Variants in HOXC13 observed in about 807,000 individuals in gnomAD.
HOXC13 encodes the protein homeobox protein Hox-C13.
A neutral mutation model predicts 25.9 loss-of-function variants in HOXC13; 10 were observed. That is an observed-to-expected ratio of 0.39 (90% CI 0.24 to 0.65). The LOEUF (loss-of-function observed/expected upper bound fraction) is 0.65. Ranked by LOEUF, HOXC13 falls within the 30% of genes least tolerant of loss-of-function variation. The probability of loss-of-function intolerance (pLI) is 0.50; values close to 1 mark genes in which losing one functional copy is unlikely to be tolerated. For missense variants in HOXC13, 439 were observed against 478.3 expected, an observed-to-expected ratio of 0.92 and a Z score of 0.77; for synonymous variants, 233 against 217.1, an observed-to-expected ratio of 1.07 and a Z score of -0.64.
intron 1 of HOXC13, among the ~76,000 whole-genome samples, chr12:53,942,126 T>C (rs894147208): frequency 1.3e-5 from 2 of 151,210 alleles, no homozygotes; most frequent in African/African-American, 4.9e-5. Flanking sequence ...TCTGGTTTTT[T>C]TTTTTTTCTC....
chr12:53,943,881 G>A (rs1006253119), intron 1 of HOXC13, among the ~76,000 whole-genome samples: 7 of 152,188 alleles, frequency 4.6e-5, no homozygotes, highest in African/African-American at 1.7e-4. Context: ...AAAAATTGAG[G>A]GCTGAGCTAT....
chr12:53,944,941 C>T (rs1317345675), intron 1 of HOXC13, 59 bp from the exon 2 acceptor site: 8 of 1,605,102 alleles, frequency 5.0e-6, no homozygotes, highest in Non-Finnish European at 6.8e-6. Flanking sequence ...AGCCTCGGGT[C>T]CTCTATCTCA....
intron 1 of HOXC13, among the ~76,000 whole-genome samples, chr12:53,940,896 G>T (rs1357048346): frequency 6.6e-6 from 1 of 152,218 alleles, no homozygotes; most frequent in East Asian, 1.9e-4. Flanking sequence ...ACCTCCTAAG[G>T]GTGGGCCTGA....
In HOXC13 at chr12:53,945,839, G is replaced by T. The variant is rs1276110550; in HGVS notation, c.*583G>T. 4.3e-6 allele frequency: 1 copy of T among 235,184 alleles called. No individual in the cohort carries two copies. Among genetic ancestry groups the T allele is most frequent in the Non-Finnish European group, 8.4e-6 (1 of 119,078 alleles). 14.6% of individuals were successfully genotyped at this position (235,184 alleles called of 1,614,324 possible). A position where few individuals can be genotyped will look rare whatever the true frequency, so the allele number is the denominator to read the frequency against. On this transcript the variant is annotated 3_prime_UTR_variant, in exon 2 of 2. Coordinates refer to ENST00000243056, the MANE Select transcript of HOXC13 (RefSeq NM_017410.3). The surrounding 1 kb of genome is among the most constrained non-coding windows in gnomAD (Gnocchi z 4.4). ...TTAGGGACCTGGCAGCGTGATTGGAGTATGGATGTTTCCGTAAAAGCTGGA... is the reference window on the plus strand; with the variant it reads ...TTAGGGACCTGGCAGCGTGATTGGATTATGGATGTTTCCGTAAAAGCTGGA...
At position 53,939,384 on chromosome 12, in the gene HOXC13, C is replaced by T. The variant is rs779885905; in HGVS notation, c.478C>T (p.Leu160=). Residue 160 remains leucine (L), a synonymous_variant, in exon 1 of 2, where the codon CTG becomes TTG. Coordinates refer to ENST00000243056, the MANE Select transcript of HOXC13 (RefSeq NM_017410.3). The surrounding 1 kb of genome is among the most constrained non-coding windows in gnomAD (Gnocchi z 6.7). ...TAAATACCCGGAGCCGTCGGGCGCC[C>T]TGCCCGGTGACGACCTGTCCTCTAG... The part of the protein sequence containing the change: ...GDKYPEPSGA[L]PGDDLSSRAK... 23 of 1,606,132 alleles carry T rather than the reference C, an allele frequency of 1.4e-5. No homozygotes were observed. Among genetic ancestry groups the T allele is most frequent in the Non-Finnish European group, 2.0e-5 (23 of 1,178,014 alleles).
rs1565703177 is a variant in HOXC13 at position 53,939,066 on chromosome 12, G to T, written c.160G>T (p.Ala54Ser). Residue 54 changes from alanine to serine, a missense_variant, in exon 1 of 2, where the codon GCC becomes TCC. Ala to Ser is a moderately conservative substitution (Grantham distance 99). Coordinates refer to ENST00000243056, the MANE Select transcript of HOXC13 (RefSeq NM_017410.3). This position sits in a 1 kb window ranked among gnomAD's most constrained non-coding sequence, Gnocchi z 6.7. ...GGCSGASPGK[A>S]PSMDGLGSSC... is the part of the protein sequence containing the mutation. ...CTGCAGCGGAGCGAGCCCCGGCAAA[G>T]CCCCGAGCATGGATGGTCTGGGCAG... The T allele has an allele frequency of 1.4e-6, 2 of 1,435,034 alleles. No individual in the cohort carries two copies. The highest frequency in any genetic ancestry group is 1.8e-6 in the Non-Finnish European group (2 of 1,104,532). The allele number at this position is 1,435,034 out of a possible 1,614,324, so 88.9% of individuals were successfully genotyped here. A position where few individuals can be genotyped will look rare whatever the true frequency, so the allele number is the denominator to read the frequency against.
At chr12:53,944,531 T>C (rs1044757319) in intron 1 of HOXC13, among the ~76,000 whole-genome samples, 1 of 152,190 alleles carries the variant, frequency 6.6e-6, no homozygotes, top group South Asian at 2.1e-4. Flanking sequence ...AAGGAGGGAT[T>C]TTTCTGAATA....
Position 53,945,830 on chromosome 12 carries a change from G to A in HOXC13, c.*574G>A, listed in dbSNP as rs2241937. 0.053 allele frequency: 12,627 copies of A among 236,346 alleles called. 542 individuals are homozygous for A. Among genetic ancestry groups the A allele is most frequent in the South Asian group, 0.24 (1,448 of 5,998 alleles). The allele number at this position is 236,346 out of a possible 1,614,324, so 14.6% of individuals were successfully genotyped here. ...TGATAATTATTAGGGACCTGGCAGC[G>A]TGATTGGAGTATGGATGTTTCCGTA... is the stretch of plus-strand genomic sequence containing the variant. On this transcript the variant is annotated 3_prime_UTR_variant, in exon 2 of 2. Transcript: ENST00000243056. This position sits in a 1 kb window ranked among gnomAD's most constrained non-coding sequence, Gnocchi z 4.4.
rs1364635007 is a variant in HOXC13, at chr12:53,939,929, AGGCTCCAGCCTCCCGCCG to A, written c.736+293_736+310del. Among the ~76,000 whole-genome samples, 1 of 152,176 alleles carries A rather than the reference AGGCTCCAGCCTCCCGCCG, an allele frequency of 6.6e-6. No individual in the cohort carries two copies. The highest frequency in any genetic ancestry group is 1.9e-4 in the East Asian group (1 of 5,196). The stretch of plus-strand genomic sequence containing the variant: ...GTAGCTCGCCTCCGCCTCCCCTTGC[AGGCTCCAGCCTCCCGCCG>A]GGCTCTTGGCCCCTAAACCTGCTTC... On this transcript the variant is annotated intron_variant, in intron 1 of 1. Transcript: ENST00000243056. The surrounding 1 kb of genome is among the most constrained non-coding windows in gnomAD (Gnocchi z 6.7).
rs772386896 is a variant in HOXC13, at chr12:53,945,002, G to A, written c.739G>A (p.Val247Met). The A allele has an allele frequency of 9.3e-6, 15 of 1,613,520 alleles. No homozygotes were observed. Among genetic ancestry groups the A allele is most frequent in the Non-Finnish European group, 1.1e-5 (13 of 1,179,872 alleles). Reference protein sequence around the residue: ...AHLWKSPFPDVVPLQPEVSSY... With the variant: ...AHLWKSPFPDMVPLQPEVSSY... ...CCGCTTGCCTTATCTCCCCGCAGAC[G>A]TGGTTCCCCTGCAGCCCGAGGTGAG... Residue 247 changes from valine to methionine, a missense_variant and splice_region_variant, in exon 2 of 2, where the codon GTG becomes ATG. Val to Met is a conservative substitution (Grantham distance 21). Transcript: ENST00000243056. This position sits in a 1 kb window ranked among gnomAD's most constrained non-coding sequence, Gnocchi z 4.4.
At chr12:53,940,423 G>A (rs1938591849) in intron 1 of HOXC13, among the ~76,000 whole-genome samples, 1 of 152,222 alleles carries the variant, frequency 6.6e-6, no homozygotes, top group South Asian at 2.1e-4. Context: ...AAGGGCGTGG[G>A]GATGAGAAAT....
At position 53,939,732 on chromosome 12, in the gene HOXC13, C is replaced by T; in HGVS notation, c.736+90C>T. 1.6e-6 allele frequency: 2 copies of T among 1,248,696 alleles called. No homozygotes were observed. Among genetic ancestry groups the T allele is most frequent in the Middle Eastern group, 3.1e-4 (1 of 3,226 alleles). 77.4% of individuals were successfully genotyped at this position (1,248,696 alleles called of 1,614,324 possible). On this transcript the variant is annotated intron_variant, in intron 1 of 1. Transcript: ENST00000243056. The surrounding 1 kb of genome is among the most constrained non-coding windows in gnomAD (Gnocchi z 6.7). ...TCCGCGCCCCAACCACCCCCGCCGT[C>T]TGGCCCCGGCGCGCCCGCTCGGCTG...
chr12:53,943,057 G>A (rs1975470), intron 1 of HOXC13, among the ~76,000 whole-genome samples: 88,292 of 152,016 alleles, frequency 0.58, 28,407 homozygotes, highest in East Asian at 0.8. Flanking sequence ...GGGAAAAGGA[G>A]GTGTTTTAAA....
chr12:53,940,840 C>T (rs1286603302), intron 1 of HOXC13, among the ~76,000 whole-genome samples: 1 of 152,126 alleles, frequency 6.6e-6, no homozygotes, highest in African/African-American at 2.4e-5. Context: ...ACCAGCTCCA[C>T]GTGCCAAGCT....
At chr12:53,942,951 G>A (rs1334653372) in intron 1 of HOXC13, among the ~76,000 whole-genome samples, 1 of 152,186 alleles carries the variant, frequency 6.6e-6, no homozygotes, top group African/African-American at 2.4e-5. Flanking sequence ...ATAGGTAATT[G>A]TGAGAGTTTA....
intron 1 of HOXC13, among the ~76,000 whole-genome samples, chr12:53,941,449 G>A (rs1389277755): frequency 1.3e-5 from 2 of 152,210 alleles, no homozygotes; most frequent in African/African-American, 4.8e-5. Context: ...AGTGTGAAGA[G>A]GTAGAAGAGA....
At position 53,945,453 on chromosome 12, in the gene HOXC13, C is replaced by T. The variant is rs148556113; in HGVS notation, c.*197C>T. On this transcript the variant is annotated 3_prime_UTR_variant, in exon 2 of 2. Transcript: ENST00000243056. This position sits in a 1 kb window ranked among gnomAD's most constrained non-coding sequence, Gnocchi z 4.4. Reference sequence around the variant, plus strand: ...CTCCCTATCCCATCCCCAGCCTCCACCCCCATCCAGATGGGACTCACGTGG... The same window carrying T: ...CTCCCTATCCCATCCCCAGCCTCCATCCCCATCCAGATGGGACTCACGTGG... 9.4e-6 allele frequency: 6 copies of T among 636,362 alleles called. No homozygotes were observed. Among genetic ancestry groups the T allele is most frequent in the Non-Finnish European group, 1.6e-5 (6 of 371,278 alleles). The allele number at this position is 636,362 out of a possible 1,614,324, so 39.4% of individuals were successfully genotyped here. A position where few individuals can be genotyped will look rare whatever the true frequency, so the allele number is the denominator to read the frequency against.
intron 1 of HOXC13, among the ~76,000 whole-genome samples, chr12:53,943,606 G>A (rs1384159029): frequency 6.6e-6 from 1 of 152,096 alleles, no homozygotes; most frequent in Non-Finnish European, 1.5e-5. Flanking sequence ...TTTTCTTCCT[G>A]AGCATTTTGT....
In HOXC13 at chr12:53,946,457, G is replaced by A. The variant is rs898812850; in HGVS notation, c.*1201G>A. On this transcript the variant is annotated 3_prime_UTR_variant, in exon 2 of 2. Transcript: ENST00000243056. ...ATGTTGTGTATCTGTATATAGTATT[G>A]TGATGTCTGAATGACAATGTACTGA... 1 of 209,232 alleles carries A rather than the reference G, an allele frequency of 4.8e-6. No homozygotes were observed. Among genetic ancestry groups the A allele is most frequent in the South Asian group, 1.9e-4 (1 of 5,338 alleles). The allele number at this position is 209,232 out of a possible 1,614,324, so 13.0% of individuals were successfully genotyped here.
Sources: allele counts gnomAD v4.1 joint callset (sites outside exome capture counted in the v4.1 genomes callset), GRCh38; gene constraint gnomAD v4.1.1; non-coding constraint Gnocchi (gnomAD v3.1); transcripts MANE v1.5; gene names NCBI Gene and HGNC (gene_info 2026-07-23, HGNC 2026-07-21).